Variants in TENM2 observed in about 807,000 individuals in gnomAD.
TENM2 encodes the protein teneurin transmembrane protein 2.
Under a neutral mutation model 245.2 loss-of-function variants are expected in TENM2, and 52 were observed. That is an observed-to-expected ratio of 0.21 (90% confidence interval 0.17 to 0.27). The LOEUF (loss-of-function observed/expected upper bound fraction) is 0.27, where lower values mean the gene tolerates loss of function less well. TENM2 is among the 10% of genes least tolerant of loss of function. The pLI, the probability that TENM2 is intolerant of heterozygous loss-of-function variation, is 1.00. For synonymous variants in TENM2, 1,363 were observed against 1,438.9 expected (o/e 0.95, Z 1.19); for missense variants, 3,046 against 3,666.8 (o/e 0.83, Z 4.37).
intron 10 of TENM2, among the ~76,000 whole-genome samples, chr5:168,124,048 A>G (rs1425065550): frequency 1.3e-5 from 2 of 152,162 alleles, no homozygotes; most frequent in East Asian, 1.9e-4. Flanking sequence ...TATCCACTCT[A>G]TTAAGATGGC....
intron 4 of TENM2, among the ~76,000 whole-genome samples, chr5:167,967,800 C>G (rs535900678): frequency 1.2e-4 from 19 of 152,316 alleles, no homozygotes; most frequent in Admixed American, 5.9e-4. Context: ...ATTTCCATCT[C>G]TGTCTGTGCT....
At chr5:167,331,107 G>A (rs910754839) in intron 1 of TENM2, among the ~76,000 whole-genome samples, 2 of 151,596 alleles carry the variant, frequency 1.3e-5, no homozygotes, top group Admixed American at 6.6e-5. Context: ...ATGGTGGCAC[G>A]TGCCTGTAGT....
At chr5:167,760,891 TCCGCCCAC>T (rs1208102932) in intron 2 of TENM2, among the ~76,000 whole-genome samples, 1 of 151,742 alleles carries the variant, frequency 6.6e-6, no homozygotes, top group Non-Finnish European at 1.5e-5. Context: ...CCTCAGGTGA[TCCGCCCAC>T]CTTGGCCTCC....
rs75300864 is a variant in TENM2 at position 168,041,102 on chromosome 5, C to A, written c.1187-6325C>A. 4.5e-3 allele frequency among the ~76,000 whole-genome samples: 687 copies of A among 152,174 alleles called. 6 individuals carry two copies. The highest frequency in any genetic ancestry group is 0.016 in the African/African-American group (665 of 41,506). ...GGTTCACTTGGAAACCTCAGAGGGC[C>A]GATGTCCTCCAGTGAGAACTCTGAA... On this transcript the variant is annotated intron_variant, in intron 5 of 28. Coordinates refer to ENST00000518659, the Ensembl canonical transcript of TENM2.
At chr5:167,891,498 G>A (rs1774755053) in intron 3 of TENM2, among the ~76,000 whole-genome samples, 1 of 152,174 alleles carries the variant, frequency 6.6e-6, no homozygotes, top group Admixed American at 6.5e-5. Context: ...CCATGAAAAG[G>A]TCAGGTGAGT....
chr5:168,051,346 A>T (rs1204469655), intron 6 of TENM2, among the ~76,000 whole-genome samples: 1 of 152,174 alleles, frequency 6.6e-6, no homozygotes, highest in Non-Finnish European at 1.5e-5. Context: ...CACCACCATG[A>T]CTATTACCTG....
chr5:166,992,217 A>AAT, the TENM2 span, among the ~76,000 whole-genome samples: 1 of 152,174 alleles, frequency 6.6e-6, no homozygotes, highest in Non-Finnish European at 1.5e-5. Flanking sequence ...CATAAGAAGG[A>AAT]ATATATAATG....
chr5:168,023,964 A>G (rs1243185332), intron 5 of TENM2, among the ~76,000 whole-genome samples: 1 of 152,236 alleles, frequency 6.6e-6, no homozygotes, highest in Admixed American at 6.5e-5. Context: ...TGACGTATAT[A>G]TAAGATGTAT....
chr5:167,439,205 G>C (rs1439779118), intron 2 of TENM2, among the ~76,000 whole-genome samples: 1 of 152,154 alleles, frequency 6.6e-6, no homozygotes, highest in Non-Finnish European at 1.5e-5. Context: ...ATCATATCTT[G>C]ATGAAATAAT....
chr5:168,013,771 T>C (rs1320314885), intron 5 of TENM2, among the ~76,000 whole-genome samples: 1 of 152,210 alleles, frequency 6.6e-6, no homozygotes, highest in Non-Finnish European at 1.5e-5. Flanking sequence ...GACCACACAC[T>C]GAGGGGCTTA....
the TENM2 span, among the ~76,000 whole-genome samples, chr5:167,043,543 G>C: frequency 1.6e-4 from 25 of 152,294 alleles, no homozygotes; most frequent in South Asian, 5.0e-3. Context: ...AGTGCATCAT[G>C]CTCGGGATAC....
chr5:167,519,179 TG>T (rs1270822639), intron 2 of TENM2, among the ~76,000 whole-genome samples: 3 of 152,184 alleles, frequency 2.0e-5, no homozygotes, highest in African/African-American at 7.2e-5. Flanking sequence ...TTATCCTGTA[TG>T]GTTGTCTCAT....
At chr5:167,112,714 T>C in the TENM2 span, among the ~76,000 whole-genome samples, 1 of 152,244 alleles carries the variant, frequency 6.6e-6, no homozygotes, top group Non-Finnish European at 1.5e-5. Context: ...TTCTTTAATA[T>C]TGCCAGTTGA....
intron 1 of TENM2, among the ~76,000 whole-genome samples, chr5:167,360,337 G>C (rs999775136): frequency 6.6e-6 from 1 of 152,136 alleles, no homozygotes; most frequent in African/African-American, 2.4e-5. Context: ...TACTTTGTTT[G>C]CTGATACATT....
chr5:167,418,839 T>C (rs1393340522), intron 2 of TENM2, among the ~76,000 whole-genome samples: 4 of 152,048 alleles, frequency 2.6e-5, no homozygotes, highest in Non-Finnish European at 5.9e-5. Flanking sequence ...GTGATGTGGG[T>C]TGAGGTGCGG....
chr5:167,287,948 G>A (rs943275124), intron 1 of TENM2: 3 of 152,176 alleles, frequency 2.0e-5, no homozygotes, highest in African/African-American at 7.2e-5. Context: ...TGACAAAAGT[G>A]AGCAGTGGTC....
chr5:167,872,397 AG>A (rs1358012196), intron 2 of TENM2, among the ~76,000 whole-genome samples: 1 of 151,350 alleles, frequency 6.6e-6, no homozygotes, highest in African/African-American at 2.4e-5. Context: ...AAGGAAAGAA[AG>A]GAAGAAAAAA....
At chr5:167,894,959 AAGGAAGGAAGGAAGG>A (rs1775070504) in intron 3 of TENM2, among the ~76,000 whole-genome samples, 2 of 128,642 alleles carry the variant, frequency 1.6e-5, no homozygotes, top group Non-Finnish European at 3.4e-5. Flanking sequence ...GGAAGGAAGG[AAGGAAGGAAGGAAGG>A]AAGGAAGGAA....
chr5:167,303,703 G>A (rs1481670241), intron 1 of TENM2, among the ~76,000 whole-genome samples: 1 of 152,128 alleles, frequency 6.6e-6, no homozygotes, highest in Non-Finnish European at 1.5e-5. Context: ...CCTTTTCAAT[G>A]TGAATATGTA....
Sources: allele counts gnomAD v4.1 joint callset (sites outside exome capture counted in the v4.1 genomes callset), GRCh38; gene constraint gnomAD v4.1.1; transcripts MANE v1.5; gene names NCBI Gene and HGNC (gene_info 2026-07-23, HGNC 2026-07-21).